Variants in CDK6 observed in about 807,000 individuals in gnomAD.
The protein encoded by CDK6 is cyclin dependent kinase 6.
CDK6 carries 6 observed loss-of-function variants against 37.1 expected under a neutral mutation model. The ratio of observed to expected loss-of-function variants is 0.16; its 90% CI spans 0.09 to 0.32. The LOEUF (loss-of-function observed/expected upper bound fraction) is 0.32. CDK6 is among the 10% of genes least tolerant of loss of function. CDK6 has a pLI of 1.00. For synonymous variants in CDK6, 160 were observed against 161.3 expected, an observed-to-expected ratio of 0.99 and a Z score of 0.06; for missense variants, 224 against 418.9, an observed-to-expected ratio of 0.53 and a Z score of 4.06.
At chr7:92,743,237 G>A (rs113366130) in intron 3 of CDK6, among the ~76,000 whole-genome samples, 8 of 151,864 alleles carry the variant, frequency 5.3e-5, no homozygotes, top group African/African-American at 1.9e-4. Context: ...TTAGCTGGGC[G>A]TGGTGGCAGG....
chr7:92,745,330 A>C (rs1455122974), intron 3 of CDK6, among the ~76,000 whole-genome samples: 1 of 152,094 alleles, frequency 6.6e-6, no homozygotes. Context: ...TTTTCTACTC[A>C]GAGTTGTTAG....
At chr7:92,731,490 T>C (rs1162660938) in intron 3 of CDK6, among the ~76,000 whole-genome samples, 1 of 152,198 alleles carries the variant, frequency 6.6e-6, no homozygotes, top group African/African-American at 2.4e-5. Flanking sequence ...CCCGTCTCTT[T>C]GCCACTGTGC....
chr7:92,765,282 C>T (rs182380268), intron 3 of CDK6, among the ~76,000 whole-genome samples: 2 of 152,160 alleles, frequency 1.3e-5, no homozygotes, highest in East Asian at 1.9e-4. Flanking sequence ...CATATTTAAG[C>T]GTCCCACCCC....
At chr7:92,644,989 C>T (rs1350347065) in intron 5 of CDK6, among the ~76,000 whole-genome samples, 2 of 152,210 alleles carry the variant, frequency 1.3e-5, no homozygotes, top group Non-Finnish European at 2.9e-5. Flanking sequence ...AGCTTGGCCA[C>T]CTGTCTGAGA....
intron 5 of CDK6, among the ~76,000 whole-genome samples, chr7:92,645,152 G>C (rs770445378): frequency 3.3e-5 from 5 of 152,204 alleles, no homozygotes; most frequent in African/African-American, 1.2e-4. Context: ...GGTTAATTTG[G>C]TTTGGAGTCT....
chr7:92,693,910 T>A (rs1797650528), intron 4 of CDK6, among the ~76,000 whole-genome samples: 1 of 152,226 alleles, frequency 6.6e-6, no homozygotes, highest in East Asian at 1.9e-4. Flanking sequence ...AGTTACCAGG[T>A]ACCCTTGGGA....
intron 3 of CDK6, among the ~76,000 whole-genome samples, chr7:92,760,844 A>G (rs1469432161): frequency 6.6e-6 from 1 of 152,114 alleles, no homozygotes; most frequent in African/African-American, 2.4e-5. Flanking sequence ...AAATCATCCT[A>G]TGAGATGTAT....
Position 92,835,131 on chromosome 7 carries a change from C to G in CDK6, c.-368+1347G>C, listed in dbSNP as rs920362306. On this transcript the variant is annotated intron_variant, in intron 1 of 7. Transcript: ENST00000424848. The surrounding 1 kb of genome is among the most constrained non-coding windows in gnomAD (Gnocchi z 4.2). The stretch of plus-strand genomic sequence containing the variant: ...GCGGACCGCGGCGAGAGCAGAGCTT[C>G]TGGCACTCACTACATTCAGAACTTT... The G allele has an allele frequency of 2.0e-5, 3 of 152,318 alleles. No individual in the cohort carries two copies. Among genetic ancestry groups the G allele is most frequent in the Non-Finnish European group, 2.9e-5 (2 of 68,112 alleles). 9.4% of individuals were successfully genotyped at this position (152,318 alleles called of 1,614,324 possible). A position where few individuals can be genotyped will look rare whatever the true frequency, so the allele number is the denominator to read the frequency against.
intron 2 of CDK6, among the ~76,000 whole-genome samples, chr7:92,796,280 T>C (rs1404568919): frequency 6.6e-6 from 1 of 152,026 alleles, no homozygotes; most frequent in African/African-American, 2.4e-5. Context: ...CATTTCTTTG[T>C]TTCAAGTAAA....
At chr7:92,641,968 T>C (rs1022254823) in intron 5 of CDK6, among the ~76,000 whole-genome samples, 2 of 152,198 alleles carry the variant, frequency 1.3e-5, no homozygotes, top group African/African-American at 4.8e-5. Flanking sequence ...GAAAACTGCA[T>C]AGAAGAATGG....
chr7:92,727,808 C>T (rs1326971599), intron 3 of CDK6, among the ~76,000 whole-genome samples: 1 of 152,152 alleles, frequency 6.6e-6, no homozygotes, highest in Non-Finnish European at 1.5e-5. Flanking sequence ...TTGAGAAGCA[C>T]TGCAGGTCCA....
At position 92,775,139 on chromosome 7, in the gene CDK6, C is replaced by A. The variant is rs538956246; in HGVS notation, c.234-308G>T. ...TAGTTAGGACCTTAGATAGAACTTG[C>A]CAATGGGGATAATTTCAAAAACTTG... On this transcript the variant is annotated intron_variant, in intron 2 of 7. Coordinates refer to ENST00000424848, the MANE Select transcript of CDK6 (RefSeq NM_001145306.2). Among the ~76,000 whole-genome samples, 11 of 152,226 alleles carry A rather than the reference C, an allele frequency of 7.2e-5. No homozygotes were observed. The East Asian group carries it at 2.1e-3, about 29-fold the overall frequency.
At chr7:92,661,505 G>A (rs1156370122) in intron 5 of CDK6, among the ~76,000 whole-genome samples, 1 of 152,088 alleles carries the variant, frequency 6.6e-6, no homozygotes, top group African/African-American at 2.4e-5. Context: ...CACATATTTG[G>A]TATGTTGTAT....
At chr7:92,647,083 TGGGCTCTGACC>T (rs1796469471) in intron 5 of CDK6, among the ~76,000 whole-genome samples, 1 of 152,218 alleles carries the variant, frequency 6.6e-6, no homozygotes, top group African/African-American at 2.4e-5. Flanking sequence ...CACAGAGTGA[TGGGCTCTGACC>T]TACAGGCTGC....
intron 4 of CDK6, among the ~76,000 whole-genome samples, chr7:92,707,918 A>C (rs1381896547): frequency 6.6e-6 from 1 of 152,202 alleles, no homozygotes; most frequent in Non-Finnish European, 1.5e-5. Flanking sequence ...AGGAAGACAC[A>C]CAGTGGTGAT....
At chr7:92,759,718 A>C (rs961964804) in intron 3 of CDK6, among the ~76,000 whole-genome samples, 1 of 146,038 alleles carries the variant, frequency 6.8e-6, no homozygotes, top group Non-Finnish European at 1.5e-5. Flanking sequence ...AAAAAAAAAG[A>C]AAAAAGAAAG....
At chr7:92,820,928 T>C (rs2115980419) in intron 2 of CDK6, among the ~76,000 whole-genome samples, 1 of 152,044 alleles carries the variant, frequency 6.6e-6, no homozygotes, top group East Asian at 1.9e-4. Flanking sequence ...CATAAGCCCT[T>C]TCATACTATT....
chr7:92,775,310 G>C (rs1183349980), intron 2 of CDK6, among the ~76,000 whole-genome samples: 3 of 152,220 alleles, frequency 2.0e-5, no homozygotes, highest in Non-Finnish European at 4.4e-5. Flanking sequence ...AAACAAATAT[G>C]ATGGAATATG....
intron 4 of CDK6, among the ~76,000 whole-genome samples, chr7:92,680,107 A>G (rs902717515): frequency 7.9e-5 from 12 of 152,038 alleles, no homozygotes; most frequent in African/African-American, 2.7e-4. Flanking sequence ...TCTTCTCATT[A>G]TAACACCTTA....
Sources: allele counts gnomAD v4.1 joint callset (sites outside exome capture counted in the v4.1 genomes callset), GRCh38; gene constraint gnomAD v4.1.1; non-coding constraint Gnocchi (gnomAD v3.1); transcripts MANE v1.5; gene names NCBI Gene and HGNC (gene_info 2026-07-23, HGNC 2026-07-21).